Variants in LY86 observed in about 807,000 individuals in gnomAD.
LY86 encodes the protein MD-1, RP105-associated.
LY86 carries 20 observed loss-of-function variants against 17.3 expected under a neutral mutation model. The ratio of observed to expected loss-of-function variants is 1.15; its 90% CI spans 0.81 to 1.68. LY86 has a LOEUF of 1.68. LY86 is among the 40% of genes most tolerant of loss of function. LY86 has a pLI of 0.00. For missense variants in LY86, 200 were observed against 191.9 expected, an observed-to-expected ratio of 1.04 and a Z score of -0.25; for synonymous variants, 74 against 70.6, an observed-to-expected ratio of 1.05 and a Z score of -0.24.
chr6:6,608,176 G>A (rs1050801191), intron 1 of LY86, among the ~76,000 whole-genome samples: 9 of 152,100 alleles, frequency 5.9e-5, no homozygotes, highest in Admixed American at 5.9e-4. Flanking sequence ...AGTGTAGTAA[G>A]ACAAGAAAAA....
At chr6:6,634,182 CTCCCTGTGTG>C (rs1267740738) in intron 3 of LY86, among the ~76,000 whole-genome samples, 1 of 152,190 alleles carries the variant, frequency 6.6e-6, no homozygotes, top group Non-Finnish European at 1.5e-5. Flanking sequence ...ATACACATAC[CTCCCTGTGTG>C]CAAATGCAAG....
intron 1 of LY86, among the ~76,000 whole-genome samples, chr6:6,620,005 A>G (rs73367108): frequency 0.014 from 2,116 of 152,182 alleles, 45 homozygotes; most frequent in African/African-American, 0.047. Context: ...TGGAAGTGAG[A>G]TTGGAGGGGG....
intron 1 of LY86, among the ~76,000 whole-genome samples, chr6:6,604,726 C>CT (rs1554123701): frequency 3.9e-5 from 6 of 152,068 alleles, no homozygotes; most frequent in Non-Finnish European, 4.4e-5. Flanking sequence ...CATTGGGGGT[C>CT]TCTCCACCAG....
intron 1 of LY86, among the ~76,000 whole-genome samples, chr6:6,608,951 G>A (rs897786638): frequency 6.6e-6 from 1 of 152,104 alleles, no homozygotes; most frequent in African/African-American, 2.4e-5. Context: ...TATATCTTTA[G>A]CAAAAGTATT....
intron 1 of LY86, among the ~76,000 whole-genome samples, chr6:6,617,302 A>G (rs1761576622): frequency 6.6e-6 from 1 of 152,208 alleles, no homozygotes; most frequent in South Asian, 2.1e-4. Context: ...CATATTAGAC[A>G]GTTAAGAAAC....
intron 1 of LY86, among the ~76,000 whole-genome samples, chr6:6,614,810 A>G (rs907834272): frequency 1.4e-4 from 22 of 151,940 alleles, no homozygotes; most frequent in African/African-American, 5.3e-4. Context: ...CCTTTCTTGA[A>G]AGAATTCTTG....
Position 6,654,738 on chromosome 6 carries a change from C to G in LY86, c.*111C>G. ...CAGCTGATGACAGAGAGAGGCTCTACAAAGAAGCGCCCCCAAAGAGTGCAG... is the reference window on the plus strand; with the variant it reads ...CAGCTGATGACAGAGAGAGGCTCTAGAAAGAAGCGCCCCCAAAGAGTGCAG... On this transcript the variant is annotated 3_prime_UTR_variant, in exon 5 of 5. Coordinates refer to ENST00000230568, the MANE Select transcript of LY86 (RefSeq NM_004271.4). The G allele has an allele frequency of 1.1e-6, 1 of 871,428 alleles. No homozygotes were observed. The highest frequency in any genetic ancestry group is 2.6e-5 in the East Asian group (1 of 39,144). 54.0% of individuals were successfully genotyped at this position (871,428 alleles called of 1,614,324 possible).
chr6:6,590,259 A>C (rs1362094748), intron 1 of LY86, among the ~76,000 whole-genome samples: 1 of 151,930 alleles, frequency 6.6e-6, no homozygotes, highest in African/African-American at 2.4e-5. Flanking sequence ...TTTGAACCCT[A>C]CATATACTAT....
intron 1 of LY86, among the ~76,000 whole-genome samples, chr6:6,589,213 A>C (rs1164956678): frequency 6.6e-6 from 1 of 152,182 alleles, no homozygotes; most frequent in Non-Finnish European, 1.5e-5. Flanking sequence ...AAATTAGGAA[A>C]AGCAGCTTCC....
Position 6,604,499 on chromosome 6 carries a change from G to A in LY86, c.136+15629G>A, listed in dbSNP as rs182853333. ...TTTTAAAATAGCTGAAGGGAGAACT[G>A]ATGGACTGGATGAAAGGTCTAGAGC... is the stretch of plus-strand genomic sequence containing the variant. On this transcript the variant is annotated intron_variant, in intron 1 of 4. Transcript: ENST00000230568. 2.0e-5 allele frequency among the ~76,000 whole-genome samples: 3 copies of A among 152,262 alleles called. No homozygotes were observed. In the East Asian group the frequency reaches 5.8e-4, roughly 29 times the overall value.
At chr6:6,603,251 G>T (rs560697283) in intron 1 of LY86, among the ~76,000 whole-genome samples, 1 of 152,158 alleles carries the variant, frequency 6.6e-6, no homozygotes. Context: ...ATAAATCTGG[G>T]AGGACACAAA....
chr6:6,610,635 G>A (rs1430313795), intron 1 of LY86, among the ~76,000 whole-genome samples: 1 of 149,986 alleles, frequency 6.7e-6, no homozygotes, highest in East Asian at 1.9e-4. Flanking sequence ...AAGACAGTCT[G>A]CCCTAAAATG....
chr6:6,596,860 G>A (rs796103087), intron 1 of LY86, among the ~76,000 whole-genome samples: 3 of 152,298 alleles, frequency 2.0e-5, no homozygotes, highest in African/African-American at 4.8e-5. Context: ...CTTTTTAAAC[G>A]AGATGCTAAG....
rs111482358 is a variant in LY86, at chr6:6,613,337, C to T, written c.137-11589C>T. The stretch of plus-strand genomic sequence containing the variant: ...CGCTATGGAGCAGGGTGGCGCTGCT[C>T]GTCGGGGAGGCTTGGCCTGCTCATA... On this transcript the variant is annotated intron_variant, in intron 1 of 4. Coordinates refer to ENST00000230568, the MANE Select transcript of LY86 (RefSeq NM_004271.4). 3.9e-3 allele frequency among the ~76,000 whole-genome samples: 597 copies of T among 152,252 alleles called. 5 individuals are homozygous for T. Among genetic ancestry groups the T allele is most frequent in the African/African-American group, 0.014 (567 of 41,566 alleles).
intron 1 of LY86, among the ~76,000 whole-genome samples, chr6:6,607,299 G>A (rs9328378): frequency 0.024 from 3,582 of 152,162 alleles, 102 homozygotes; most frequent in African/African-American, 0.064. Flanking sequence ...TGGTTAAGAT[G>A]GGAAATTCAC....
chr6:6,605,620 G>A (rs920867854), intron 1 of LY86, among the ~76,000 whole-genome samples: 2 of 152,258 alleles, frequency 1.3e-5, no homozygotes, highest in African/African-American at 4.8e-5. Flanking sequence ...CCTCATCTCA[G>A]AAGCAACATT....
intron 1 of LY86, among the ~76,000 whole-genome samples, chr6:6,617,002 T>G (rs1466254488): frequency 6.6e-6 from 1 of 152,258 alleles, no homozygotes; most frequent in Non-Finnish European, 1.5e-5. Context: ...GAAATCCACA[T>G]TGGCAGCGGA....
At chr6:6,618,732 C>A (rs1761609965) in intron 1 of LY86, among the ~76,000 whole-genome samples, 1 of 152,096 alleles carries the variant, frequency 6.6e-6, no homozygotes, top group Admixed American at 6.6e-5. Flanking sequence ...TGAGTCAATT[C>A]CCGAGGAAAT....
intron 1 of LY86, among the ~76,000 whole-genome samples, chr6:6,612,284 C>G (rs181284311): frequency 6.6e-6 from 1 of 152,204 alleles, no homozygotes; most frequent in African/African-American, 2.4e-5. Flanking sequence ...GAGTTTCTTT[C>G]TCGTGGGTTA....
Sources: allele counts gnomAD v4.1 joint callset (sites outside exome capture counted in the v4.1 genomes callset), GRCh38; gene constraint gnomAD v4.1.1; transcripts MANE v1.5; gene names NCBI Gene and HGNC (gene_info 2026-07-23, HGNC 2026-07-21).